SORBS2: variants seen among roughly 807,000 people sequenced by gnomAD.
SORBS2 encodes the protein sorbin and SH3 domain-containing protein 2.
Under a neutral mutation model 97.7 loss-of-function variants are expected in SORBS2, and 46 were observed. The ratio of observed to expected loss-of-function variants is 0.47; its 90% confidence interval spans 0.37 to 0.60. The LOEUF is 0.60. Ranked by LOEUF, SORBS2 falls within the 20% of genes least tolerant of loss-of-function variation. The pLI is 0.00. For synonymous variants in SORBS2, 476 were observed against 473.4 expected (o/e 1.01, Z -0.07); for missense variants, 1,316 against 1,282.3 (o/e 1.03, Z -0.40).
chr4:185,801,953 T>C (rs2099133089), intron 1 of SORBS2, among the ~76,000 whole-genome samples: 1 of 152,096 alleles, frequency 6.6e-6, no homozygotes, highest in Non-Finnish European at 1.5e-5. Context: ...ACTGAGGGGG[T>C]GCCAAATACA....
chr4:185,881,020 A>T (rs140658292), intron 1 of SORBS2, among the ~76,000 whole-genome samples: 12 of 152,300 alleles, frequency 7.9e-5, no homozygotes, highest in Non-Finnish European at 1.3e-4. Flanking sequence ...AGGATGATAC[A>T]GGAAGGGAAA....
intron 12 of SORBS2, among the ~76,000 whole-genome samples, chr4:185,605,218 A>G (rs1463227415): frequency 6.6e-6 from 1 of 152,242 alleles, no homozygotes; most frequent in Non-Finnish European, 1.5e-5. Flanking sequence ...CTGTTATTTC[A>G]TAATTTCTAT....
rs531428721 is a variant in SORBS2 at position 185,626,212 on chromosome 4, G to A, written c.634+620C>T. Among the ~76,000 whole-genome samples, 4 of 152,342 alleles carry A rather than the reference G, an allele frequency of 2.6e-5. No individual in the cohort carries two copies. The South Asian group carries it at 8.3e-4, about 32-fold the overall frequency. On this transcript the variant is annotated intron_variant, in intron 6 of 14. Coordinates refer to ENST00000418609, the Ensembl canonical transcript of SORBS2. ...GAAAAAAAGGCTTGGTGATTCCTCA[G>A]TGATATCATTATGGTTTGGGACCAA...
intron 2 of SORBS2, among the ~76,000 whole-genome samples, chr4:185,726,043 G>A (rs2098552735): frequency 6.6e-6 from 1 of 152,056 alleles, no homozygotes; most frequent in African/African-American, 2.4e-5. Context: ...CCTACATTGT[G>A]TCAGATATTT....
At chr4:185,865,126 C>A (rs1025597054) in intron 1 of SORBS2, among the ~76,000 whole-genome samples, 1 of 152,096 alleles carries the variant, frequency 6.6e-6, no homozygotes, top group African/African-American at 2.4e-5. Flanking sequence ...CTTTCTGTTG[C>A]GTTTTCCTGT....
At chr4:185,843,332 T>C (rs1167802958) in intron 1 of SORBS2, among the ~76,000 whole-genome samples, 3 of 152,222 alleles carry the variant, frequency 2.0e-5, no homozygotes, top group African/African-American at 4.8e-5. Flanking sequence ...CTATTCATTA[T>C]TGTATTGGAG....
At chr4:185,864,105 G>T (rs1468984868) in intron 1 of SORBS2, among the ~76,000 whole-genome samples, 1 of 152,148 alleles carries the variant, frequency 6.6e-6, no homozygotes, top group Non-Finnish European at 1.5e-5. Context: ...ATAAGCAGAT[G>T]CCTTTTCAAG....
At position 185,606,656 on chromosome 4, in the gene SORBS2, G is replaced by A. The variant is rs1157160962; in HGVS notation, c.2796+5124C>T. ...GGATCTGTGGGGGTGGCTATGGGGT[G>A]TTTTAGGCAGTTGGGTTTCTCCTCC... On this transcript the variant is annotated intron_variant, in intron 12 of 14. Transcript: ENST00000418609. The surrounding 1 kb of genome is among the most constrained non-coding windows in gnomAD (Gnocchi z 4.3). 8.1e-6 allele frequency: 8 copies of A among 985,170 alleles called. No homozygotes were observed. The highest frequency in any genetic ancestry group is 7.2e-6 in the Non-Finnish European group (6 of 829,902). 61.0% of individuals were successfully genotyped at this position (985,170 alleles called of 1,614,324 possible).
intron 2 of SORBS2, among the ~76,000 whole-genome samples, chr4:185,683,222 G>A (rs2097900131): frequency 7.8e-6 from 1 of 128,216 alleles, no homozygotes; most frequent in Non-Finnish European, 1.6e-5. Flanking sequence ...CCTAAAGTGT[G>A]AAATGTTTTT....
chr4:185,677,889 C>A (rs1359996627), intron 4 of SORBS2, among the ~76,000 whole-genome samples: 2 of 152,132 alleles, frequency 1.3e-5, no homozygotes, highest in Non-Finnish European at 2.9e-5. Context: ...TACATTATAA[C>A]ATTTGCTCCA....
intron 3 of SORBS2, 129 bp from the exon 13 acceptor site, chr4:185,646,911 T>A: frequency 1.6e-6 from 1 of 623,148 alleles, no homozygotes; most frequent in Non-Finnish European, 2.8e-6. Flanking sequence ...GATAAAAAGT[T>A]AACCTGTGAA....
chr4:185,694,556 T>C (rs982508449), intron 2 of SORBS2, among the ~76,000 whole-genome samples: 4 of 152,240 alleles, frequency 2.6e-5, no homozygotes, highest in Non-Finnish European at 4.4e-5. Context: ...GTTTTACTTA[T>C]GGATTAGAGT....
rs142970116 is a variant in SORBS2, at chr4:185,626,756, T to C, written c.634+76A>G. 74 of 1,399,092 alleles carry C rather than the reference T, an allele frequency of 5.3e-5. No homozygotes were observed. The Admixed American group carries it at 1.2e-3, about 23-fold the overall frequency. The allele number at this position is 1,399,092 out of a possible 1,614,324, so 86.7% of individuals were successfully genotyped here. A position where few individuals can be genotyped will look rare whatever the true frequency, so the allele number is the denominator to read the frequency against. Reference sequence around the variant, plus strand: ...GAGAGCTGGCACATGCCACTATCACTGGGCCAGCTTTCACACAGTGCTCTA... The same window carrying C: ...GAGAGCTGGCACATGCCACTATCACCGGGCCAGCTTTCACACAGTGCTCTA... On this transcript the variant is annotated intron_variant, in intron 6 of 14. Coordinates refer to ENST00000418609, the Ensembl canonical transcript of SORBS2.
intron 1 of SORBS2, among the ~76,000 whole-genome samples, chr4:185,849,163 CA>C (rs2099216346): frequency 6.6e-6 from 1 of 152,254 alleles, no homozygotes; most frequent in African/African-American, 2.4e-5. Context: ...AGGGCTCCAT[CA>C]GACTGAAAGA....
In SORBS2 at chr4:185,622,228, T is replaced by A. The variant is rs185277689; in HGVS notation, c.2215+686A>T. On this transcript the variant is annotated intron_variant, in intron 7 of 14. Transcript: ENST00000418609. ...GTTAGCCTGAATAGTGTAATTCAAA[T>A]TTCAATACAGGACTGTTTTAGCAGA... is the stretch of plus-strand genomic sequence containing the variant. 2.5e-3 allele frequency among the ~76,000 whole-genome samples: 374 copies of A among 152,312 alleles called. 1 individual carries two copies. The highest frequency in any genetic ancestry group is 8.5e-3 in the African/African-American group (353 of 41,558).
At chr4:185,648,573 G>C (rs2097256599) in intron 3 of SORBS2, among the ~76,000 whole-genome samples, 1 of 151,950 alleles carries the variant, frequency 6.6e-6, no homozygotes, top group Admixed American at 6.6e-5. Context: ...ATAGGGTGTT[G>C]AATACAATTT....
intron 9 of SORBS2, among the ~76,000 whole-genome samples, chr4:185,617,420 T>C (rs2096646020): frequency 6.6e-6 from 1 of 152,190 alleles, no homozygotes; most frequent in Non-Finnish European, 1.5e-5. Context: ...TCAGCAGCAT[T>C]ACCAAATTCT....
At chr4:185,765,322 C>G (rs1403045805) in intron 2 of SORBS2, among the ~76,000 whole-genome samples, 1 of 152,106 alleles carries the variant, frequency 6.6e-6, no homozygotes, top group Non-Finnish European at 1.5e-5. Flanking sequence ...AATTAATAAG[C>G]ACAGCTGAGG....
At chr4:185,617,882 C>G (rs981815008) in intron 9 of SORBS2, among the ~76,000 whole-genome samples, 5 of 152,160 alleles carry the variant, frequency 3.3e-5, no homozygotes, top group Non-Finnish European at 5.9e-5. Context: ...TAGTCATCAA[C>G]CCCACAAACT....
Sources: allele counts gnomAD v4.1 joint callset (sites outside exome capture counted in the v4.1 genomes callset), GRCh38; gene constraint gnomAD v4.1.1; non-coding constraint Gnocchi (gnomAD v3.1); transcripts MANE v1.5; gene names NCBI Gene and HGNC (gene_info 2026-07-23, HGNC 2026-07-21).